Variants in DYNC2H1 observed in about 807,000 individuals in gnomAD.
DYNC2H1 encodes dynein cytoplasmic 2 heavy chain 1, also known as cytoplasmic dynein 2 heavy chain 1.
A neutral mutation model predicts 570.0 loss-of-function variants in DYNC2H1; 410 were observed. That is an observed-to-expected ratio of 0.72 (90% CI 0.66 to 0.78). The LOEUF is 0.78. Among genes scored for constraint, DYNC2H1 ranks in the 30% least tolerant of loss-of-function variants. DYNC2H1 has a pLI of 0.00. For synonymous variants in DYNC2H1, 1,688 were observed against 1,677.6 expected, an observed-to-expected ratio of 1.01 and a Z score of -0.15; for missense variants, 4,865 against 5,046.4, an observed-to-expected ratio of 0.96 and a Z score of 1.09.
At chr11:103,178,863 A>G (rs1003866035) in intron 38 of DYNC2H1, among the ~76,000 whole-genome samples, 163 bp from the exon 39 acceptor site, 3 of 152,050 alleles carry the variant, frequency 2.0e-5, no homozygotes, top group Non-Finnish European at 4.4e-5. Flanking sequence ...TACATGATAT[A>G]TATCTGAGTC....
At chr11:103,456,251 G>T in intron 86 of DYNC2H1, 24 bp from the exon 87 acceptor site, 6 of 1,568,832 alleles carry the variant, frequency 3.8e-6, no homozygotes, top group Non-Finnish European at 5.2e-6. Context: ...ATTGATTTGT[G>T]ACTTTGATGC....
chr11:103,202,575 C>T (rs1322154273), intron 50 of DYNC2H1, among the ~76,000 whole-genome samples: 3 of 150,728 alleles, frequency 2.0e-5, no homozygotes, highest in Non-Finnish European at 4.4e-5. Context: ...TGAAGAAAAA[C>T]ATATACAGAT....
At chr11:103,276,060 C>G (rs1200433748) in intron 70 of DYNC2H1, among the ~76,000 whole-genome samples, 1 of 152,122 alleles carries the variant, frequency 6.6e-6, no homozygotes, top group African/African-American at 2.4e-5. Context: ...TGGCCTTTCT[C>G]ATAGGTGTAT....
Position 103,307,713 on chromosome 11 carries a change from T to TA in DYNC2H1, c.11383-5dup. The TA allele has an allele frequency of 6.6e-7, 1 of 1,516,886 alleles. No homozygotes were observed. The highest frequency in any genetic ancestry group is 8.9e-7 in the Non-Finnish European group (1 of 1,121,850). The allele number at this position is 1,516,886 out of a possible 1,614,324, so 94.0% of individuals were successfully genotyped here. A position where few individuals can be genotyped will look rare whatever the true frequency, so the allele number is the denominator to read the frequency against. ...AAGTAAATTTTTGTCATTGGTTTTGTAAACAAGGAATTGAATACTCTTCAA... is the reference window on the plus strand; with the variant it reads ...AAGTAAATTTTTGTCATTGGTTTTGTAAAACAAGGAATTGAATACTCTTCAA... On this transcript the variant is annotated splice_polypyrimidine_tract_variant and splice_region_variant and intron_variant, in intron 77 of 88. Transcript: ENST00000375735.
intron 78 of DYNC2H1, among the ~76,000 whole-genome samples, chr11:103,311,589 A>G (rs1205699395): frequency 3.9e-5 from 4 of 103,288 alleles, no homozygotes; most frequent in African/African-American, 1.5e-4. Context: ...TGTCAGTGGG[A>G]AAAAAAAAAC....
At chr11:103,421,593 G>T (rs956607724) in intron 84 of DYNC2H1, among the ~76,000 whole-genome samples, 2 of 152,130 alleles carry the variant, frequency 1.3e-5, no homozygotes, top group Non-Finnish European at 2.9e-5. Flanking sequence ...TGAACAACTT[G>T]CTCCTGAATG....
rs1489861249 is a variant in DYNC2H1, at chr11:103,299,584, C to T, written c.11096-3509C>T. Among the ~76,000 whole-genome samples, 2 of 152,116 alleles carry T rather than the reference C, an allele frequency of 1.3e-5. No individual in the cohort carries two copies. The highest frequency in any genetic ancestry group is 2.9e-5 in the Non-Finnish European group (2 of 67,994). On this transcript the variant is annotated intron_variant, in intron 75 of 88. Transcript: ENST00000375735. This position sits in a 1 kb window ranked among gnomAD's most constrained non-coding sequence, Gnocchi z 4.5. ...AGCCTTCCTCCATCCTTAAAGCCAACATTAGCAGATCGATTCCTTTGCATG... is the reference window on the plus strand; with the variant it reads ...AGCCTTCCTCCATCCTTAAAGCCAATATTAGCAGATCGATTCCTTTGCATG...
At chr11:103,475,336 T>C (rs1945517978) in intron 88 of DYNC2H1, among the ~76,000 whole-genome samples, 1 of 152,204 alleles carries the variant, frequency 6.6e-6, no homozygotes, top group Non-Finnish European at 1.5e-5. Flanking sequence ...TTCATAGTTA[T>C]TAATAAAATT....
rs1248018931 is a variant in DYNC2H1, at chr11:103,275,432, A to G, written c.10696-4916A>G. Among the ~76,000 whole-genome samples the G allele has an allele frequency of 6.6e-6, 1 of 152,200 alleles. No individual in the cohort carries two copies. The highest frequency in any genetic ancestry group is 1.9e-4 in the East Asian group (1 of 5,196). ...ATGGATTTTGAGAAATTTAAATGAC[A>G]TGTGTTCACCATTCTAGTATCTTAC... On this transcript the variant is annotated intron_variant, in intron 70 of 88. Transcript: ENST00000375735. This position sits in a 1 kb window ranked among gnomAD's most constrained non-coding sequence, Gnocchi z 4.8.
chr11:103,152,345 C>A, intron 21 of DYNC2H1, 60 bp downstream of exon 21: 1 of 1,471,854 alleles, frequency 6.8e-7, no homozygotes, highest in Non-Finnish European at 9.1e-7. Flanking sequence ...AGATTTCTTG[C>A]TTATCTTTTA....
intron 83 of DYNC2H1, among the ~76,000 whole-genome samples, chr11:103,370,459 C>T (rs1941100095): frequency 6.6e-6 from 1 of 152,148 alleles, no homozygotes; most frequent in South Asian, 2.1e-4. Context: ...TGTAAAACCC[C>T]AGGGCCTTGA....
chr11:103,152,435 A>G, intron 21 of DYNC2H1, 150 bp downstream of exon 21: 1 of 681,214 alleles, frequency 1.5e-6, no homozygotes, highest in South Asian at 2.4e-5. Flanking sequence ...AGTGAAATAT[A>G]TAAATGATGA....
At chr11:103,116,105 T>C (rs1858376239) in intron 4 of DYNC2H1, among the ~76,000 whole-genome samples, 1 of 151,928 alleles carries the variant, frequency 6.6e-6, no homozygotes, top group Non-Finnish European at 1.5e-5. Context: ...AATATTTTAA[T>C]AGACTGTTTT....
chr11:103,451,582 C>T (rs1591776900), intron 85 of DYNC2H1, among the ~76,000 whole-genome samples: 1 of 152,112 alleles, frequency 6.6e-6, no homozygotes, highest in African/African-American at 2.4e-5. Flanking sequence ...CCCCAAACCT[C>T]AGCTTCCCAA....
chr11:103,178,882 G>A lies in DYNC2H1; in HGVS notation c.6140-144G>A, dbSNP rs576401331. 5 of 722,420 alleles carry A rather than the reference G, an allele frequency of 6.9e-6. No homozygotes were observed. In the African/African-American group the frequency reaches 7.1e-5, roughly 10 times the overall value. The allele number at this position is 722,420 out of a possible 1,614,324, so 44.8% of individuals were successfully genotyped here. ...TGATATATATCTGAGTCTTTGGCCA[G>A]CTGAGCCAGGATTGCGCATGGGTTC... On this transcript the variant is annotated intron_variant, in intron 38 of 88. Coordinates refer to ENST00000375735, the MANE Select transcript of DYNC2H1 (RefSeq NM_001377.3).
intron 65 of DYNC2H1, among the ~76,000 whole-genome samples, chr11:103,251,436 T>C (rs936863005): frequency 2.6e-5 from 4 of 152,162 alleles, no homozygotes; most frequent in African/African-American, 9.7e-5. Context: ...TATTTAAGAT[T>C]TACAGCATTA....
chr11:103,423,408 TAAAAAAAAAAAAAA>T (rs60223334), intron 84 of DYNC2H1, among the ~76,000 whole-genome samples: 10 of 120,502 alleles, frequency 8.3e-5, no homozygotes, highest in Middle Eastern at 4.5e-3. Context: ...GCCAAAAAAG[TAAAAAAAAAAAAAA>T]AAAAAAAAAA....
chr11:103,458,075 C>A (rs1258227745), intron 87 of DYNC2H1, among the ~76,000 whole-genome samples: 1 of 152,202 alleles, frequency 6.6e-6, no homozygotes, highest in Non-Finnish European at 1.5e-5. Context: ...ATAGTAGTGT[C>A]CTAGGCCTTC....
At chr11:103,188,908 T>G (rs982564746) in intron 44 of DYNC2H1, among the ~76,000 whole-genome samples, 3 of 152,120 alleles carry the variant, frequency 2.0e-5, no homozygotes, top group African/African-American at 7.2e-5. Flanking sequence ...TTCCAAAATG[T>G]CAATCTCAGG....
Sources: allele counts gnomAD v4.1 joint callset (sites outside exome capture counted in the v4.1 genomes callset), GRCh38; gene constraint gnomAD v4.1.1; non-coding constraint Gnocchi (gnomAD v3.1); transcripts MANE v1.5; gene names NCBI Gene and HGNC (gene_info 2026-07-23, HGNC 2026-07-21).